Variants in PPP1R12B observed in about 807,000 individuals in gnomAD.
PPP1R12B encodes the protein myosin phosphatase target subunit 2.
Under a neutral mutation model 126.1 loss-of-function variants are expected in PPP1R12B, and 76 were observed. The ratio of observed to expected loss-of-function variants is 0.60; its 90% CI spans 0.50 to 0.73. The LOEUF (loss-of-function observed/expected upper bound fraction) is 0.73, where lower values mean the gene tolerates loss of function less well. PPP1R12B is among the 30% of genes least tolerant of loss of function. PPP1R12B has a pLI of 0.00. For synonymous variants in PPP1R12B, 356 were observed against 434.7 expected (o/e 0.82, Z 2.25); for missense variants, 1,052 against 1,205.1 (o/e 0.87, Z 1.88).
chr1:202,442,530 A>C lies in PPP1R12B; in HGVS notation c.1625A>C (p.Gln542Pro). Residue 542 changes from glutamine (Q) to proline (P), a missense_variant, in exon 12 of 24, where the codon CAG (glutamine) becomes CCG (proline). Physicochemically the swap from Gln to Pro is moderately conservative, Grantham distance 76 (BLOSUM62 -1). Transcript: ENST00000608999. ...GAAGCAAAAGGAAATGAAATCCCAC[A>C]GACAATTGCTCCCTCCACCTATGTA... ...RDEAKGNEIP[Q>P]TIAPSTYVST... 1.9e-6 allele frequency: 3 copies of C among 1,613,868 alleles called. No homozygotes were observed. Among genetic ancestry groups the C allele is most frequent in the Non-Finnish European group, 2.5e-6 (3 of 1,179,886 alleles).
At chr1:202,400,409 A>G (rs983320376) in intron 1 of PPP1R12B, among the ~76,000 whole-genome samples, 3 of 152,212 alleles carry the variant, frequency 2.0e-5, no homozygotes, top group East Asian at 1.9e-4. Context: ...ATAAAATCCA[A>G]TATACTACAA....
rs796244445 is a variant in PPP1R12B, at chr1:202,509,196, G to GT, written c.2490+12375dup. ...AGCACTTCTCTGATAACTCAGCATT[G>GT]TGCCAATTCCCGATTCTTTGTTATC... On this transcript the variant is annotated intron_variant, in intron 18 of 23. Coordinates refer to ENST00000608999, the MANE Select transcript of PPP1R12B (RefSeq NM_002481.4). 7.0e-5 allele frequency among the ~76,000 whole-genome samples: 6 copies of GT among 85,670 alleles called. 1 individual carries two copies. The highest frequency in any genetic ancestry group is 2.5e-4 in the African/African-American group (6 of 24,168). 56.2% of individuals were successfully genotyped at this position (85,670 alleles called of 152,430 possible). A position where few individuals can be genotyped will look rare whatever the true frequency, so the allele number is the denominator to read the frequency against.
At chr1:202,454,994 C>G (rs1673439349) in intron 13 of PPP1R12B, among the ~76,000 whole-genome samples, 1 of 152,004 alleles carries the variant, frequency 6.6e-6, no homozygotes, top group Non-Finnish European at 1.5e-5. Flanking sequence ...ACTGCTCAAC[C>G]TGAGATCTGC....
chr1:202,358,694 A>C (rs565410095), intron 1 of PPP1R12B, among the ~76,000 whole-genome samples: 32 of 152,278 alleles, frequency 2.1e-4, no homozygotes, highest in Non-Finnish European at 2.5e-4. Context: ...AAAAAAAAAA[A>C]AAAACTGAAA....
In PPP1R12B at chr1:202,425,680, C is replaced by T. The variant is rs866072899; in HGVS notation, c.656C>T (p.Thr219Ile). The stretch of plus-strand genomic sequence containing the variant: ...GTGAGGCAGGCTCGCTCAGGGGCTA[C>T]AGCCCTTCATGTGGCTGCTGCCAAG... ...EDVRQARSGA[T>I]ALHVAAAKGY... Residue 219 changes from threonine to isoleucine, a missense_variant, in exon 4 of 24, where the codon ACA (threonine) becomes ATA (isoleucine). Physicochemically the swap from Thr to Ile is moderately conservative, Grantham distance 89 (BLOSUM62 -1). Coordinates refer to ENST00000608999, the MANE Select transcript of PPP1R12B (RefSeq NM_002481.4). 6 of 1,613,946 alleles carry T rather than the reference C, an allele frequency of 3.7e-6. No individual in the cohort carries two copies. Among genetic ancestry groups the T allele is most frequent in the Middle Eastern group, 3.3e-4 (2 of 6,038 alleles).
intron 18 of PPP1R12B, among the ~76,000 whole-genome samples, chr1:202,541,096 A>G (rs3904991): frequency 6.6e-6 from 1 of 152,230 alleles, no homozygotes; most frequent in African/African-American, 2.4e-5. Context: ...AGCAGGCAAT[A>G]TAACAGTTAC....
intron 5 of PPP1R12B, among the ~76,000 whole-genome samples, chr1:202,427,998 T>TA (rs1553281504): frequency 6.6e-6 from 1 of 150,680 alleles, no homozygotes; most frequent in Non-Finnish European, 1.5e-5. Context: ...ATGGTAGAGA[T>TA]GGGGGGTCTC....
chr1:202,407,620 A>C (rs1189333641), intron 1 of PPP1R12B, among the ~76,000 whole-genome samples: 1 of 152,156 alleles, frequency 6.6e-6, no homozygotes, highest in Non-Finnish European at 1.5e-5. Flanking sequence ...GTTGGAGCAG[A>C]CTGCTGTGAT....
At chr1:202,503,919 G>T (rs558861479) in intron 18 of PPP1R12B, among the ~76,000 whole-genome samples, 1 of 151,864 alleles carries the variant, frequency 6.6e-6, no homozygotes, top group East Asian at 1.9e-4. Flanking sequence ...CTTCCTTTCT[G>T]CAACCTTGTC....
intron 19 of PPP1R12B, 78 bp from the exon 20 acceptor site, chr1:202,562,700 A>T: frequency 2.0e-6 from 3 of 1,474,224 alleles, no homozygotes; most frequent in South Asian, 2.3e-5. Flanking sequence ...AAAAGGCGCA[A>T]ACTACCCCTG....
chr1:202,390,129 C>G (rs553956093), intron 1 of PPP1R12B, among the ~76,000 whole-genome samples: 1 of 152,102 alleles, frequency 6.6e-6, no homozygotes, highest in African/African-American at 2.4e-5. Flanking sequence ...TGTAGAAATC[C>G]GTGCAACTAT....
chr1:202,448,001 T>C (rs1672487203), intron 12 of PPP1R12B, among the ~76,000 whole-genome samples: 1 of 152,216 alleles, frequency 6.6e-6, no homozygotes, highest in South Asian at 2.1e-4. Context: ...TGTATCTAGG[T>C]ACCATATTTA....
chr1:202,529,719 G>A (rs563675557), intron 18 of PPP1R12B, among the ~76,000 whole-genome samples: 12 of 152,214 alleles, frequency 7.9e-5, no homozygotes, highest in African/African-American at 2.6e-4. Flanking sequence ...TTGCTACCAG[G>A]CAGTAATACG....
At chr1:202,530,603 G>T (rs542378702) in intron 18 of PPP1R12B, among the ~76,000 whole-genome samples, 4 of 152,064 alleles carry the variant, frequency 2.6e-5, no homozygotes, top group Admixed American at 2.6e-4. Flanking sequence ...CTTAACATTC[G>T]TAACACTAGG....
intron 13 of PPP1R12B, among the ~76,000 whole-genome samples, chr1:202,486,439 T>C (rs1678134879): frequency 1.3e-5 from 2 of 152,102 alleles, no homozygotes; most frequent in African/African-American, 2.4e-5. Flanking sequence ...GAAAATTTCT[T>C]AAAAAACAAT....
chr1:202,495,716 A>G, intron 17 of PPP1R12B, 34 bp downstream of exon 17: 2 of 1,559,212 alleles, frequency 1.3e-6, no homozygotes, highest in Non-Finnish European at 8.8e-7. Flanking sequence ...GGCATATCAT[A>G]TTACTCTTGG....
At chr1:202,487,150 G>A (rs705739) in intron 13 of PPP1R12B, among the ~76,000 whole-genome samples, 82,437 of 151,440 alleles carry the variant, frequency 0.54, 22,987 homozygotes, top group East Asian at 0.71. Flanking sequence ...AAATTATTCA[G>A]TGTAATTCAC....
At chr1:202,549,665 G>A (rs1315370251) in intron 18 of PPP1R12B, among the ~76,000 whole-genome samples, 6 of 152,002 alleles carry the variant, frequency 3.9e-5, no homozygotes, top group East Asian at 1.9e-4. Context: ...TGATCCACCC[G>A]CCTCGGCCTC....
intron 13 of PPP1R12B, among the ~76,000 whole-genome samples, chr1:202,451,293 T>C (rs1459151915): frequency 1.3e-5 from 2 of 149,114 alleles, no homozygotes; most frequent in African/African-American, 4.9e-5. Context: ...AGGTCTCTGG[T>C]TTTCCTAGGC....
Sources: gnomAD v4.1 joint callset for allele counts (sites outside exome capture counted in the v4.1 genomes callset) on GRCh38, gnomAD v4.1.1 for gene constraint, MANE v1.5 for transcripts, NCBI Gene and HGNC (gene_info 2026-07-23, HGNC 2026-07-21) for gene names.